Variants in NTRK3 observed in about 807,000 individuals in gnomAD.
The protein encoded by NTRK3 is neurotrophic receptor tyrosine kinase 3.
A neutral mutation model predicts 91.7 loss-of-function variants in NTRK3; 24 were observed. The ratio of observed to expected loss-of-function variants is 0.26; its 90% CI spans 0.19 to 0.37. The LOEUF (loss-of-function observed/expected upper bound fraction) is 0.37. Ranked by LOEUF, NTRK3 falls within the 10% of genes least tolerant of loss-of-function variation. The pLI is 1.00. For missense variants in NTRK3, 880 were observed against 1,068.9 expected, an observed-to-expected ratio of 0.82 and a Z score of 2.46; for synonymous variants, 483 against 404.0, an observed-to-expected ratio of 1.20 and a Z score of -2.34.
chr15:88,097,244 G>C (rs2049704898), intron 13 of NTRK3, among the ~76,000 whole-genome samples: 1 of 152,170 alleles, frequency 6.6e-6, no homozygotes, highest in Non-Finnish European at 1.5e-5. Flanking sequence ...TATTTCTATT[G>C]AACAGTGCTG....
At chr15:87,987,310 T>C (rs140656612) in intron 14 of NTRK3, among the ~76,000 whole-genome samples, 1 of 152,354 alleles carries the variant, frequency 6.6e-6, no homozygotes, top group East Asian at 1.9e-4. Flanking sequence ...CCATATCAGA[T>C]ATTTTTTCTA....
chr15:87,975,047 G>C (rs545954875), intron 14 of NTRK3, among the ~76,000 whole-genome samples: 1 of 152,316 alleles, frequency 6.6e-6, no homozygotes, highest in South Asian at 2.1e-4. Flanking sequence ...ACCTGAGCTA[G>C]TTATTCAATC....
At chr15:87,932,788 G>A (rs557019275) in intron 16 of NTRK3, among the ~76,000 whole-genome samples, 61 of 152,232 alleles carry the variant, frequency 4.0e-4, no homozygotes, top group African/African-American at 1.4e-3. Context: ...GAATAGTATA[G>A]GATACTTATC....
chr15:87,909,591 T>C (rs2066966957), intron 17 of NTRK3, among the ~76,000 whole-genome samples: 1 of 152,070 alleles, frequency 6.6e-6, no homozygotes, highest in African/African-American at 2.4e-5. Flanking sequence ...AAAGGACAGA[T>C]GGGCAGTTGG....
At chr15:88,120,441 T>C (rs560172442) in intron 13 of NTRK3, among the ~76,000 whole-genome samples, 59 of 152,344 alleles carry the variant, frequency 3.9e-4, no homozygotes, top group Middle Eastern at 6.8e-3. Context: ...CCAGCACACA[T>C]CCAGCCATTA....
At chr15:88,055,052 G>C (rs929427116) in intron 13 of NTRK3, among the ~76,000 whole-genome samples, 4 of 152,174 alleles carry the variant, frequency 2.6e-5, no homozygotes, top group African/African-American at 7.2e-5. Flanking sequence ...ACAAAGCCAT[G>C]AACTGGCAGA....
At chr15:88,139,278 G>T (rs2042163368) in intron 6 of NTRK3, among the ~76,000 whole-genome samples, 1 of 152,188 alleles carries the variant, frequency 6.6e-6, no homozygotes, top group Admixed American at 6.5e-5. Context: ...AAAACTCAGA[G>T]TAAAGGGCAC....
chr15:87,917,286 C>T (rs2067514361), intron 17 of NTRK3, among the ~76,000 whole-genome samples: 1 of 152,146 alleles, frequency 6.6e-6, no homozygotes, highest in Non-Finnish European at 1.5e-5. Flanking sequence ...AAAATAGCTT[C>T]CCTCTCCCAC....
At chr15:88,250,165 A>G (rs1033710332) in intron 3 of NTRK3, among the ~76,000 whole-genome samples, 12 of 152,180 alleles carry the variant, frequency 7.9e-5, no homozygotes, top group African/African-American at 2.9e-4. Flanking sequence ...GCGTAGTCCT[A>G]ATGTCTGGCT....
rs1385174569 is a variant in NTRK3, at chr15:88,127,916, T to C, written c.1229-690A>G. Among the ~76,000 whole-genome samples the C allele has an allele frequency of 5.9e-5, 9 of 152,156 alleles. No homozygotes were observed. In the East Asian group the frequency reaches 1.7e-3, roughly 29 times the overall value. ...CTAGAATCACCTCCTTGACAAGAAA[T>C]GGCCCCAATTCAGAATTCTCTGAAG... On this transcript the variant is annotated intron_variant, in intron 11 of 18. Transcript: ENST00000394480.
At position 88,092,886 on chromosome 15, in the gene NTRK3, A is replaced by G. The variant is rs74027763; in HGVS notation, c.1396+33385T>C. Reference sequence around the variant, plus strand: ...CTCTGCCTCTCCCTTACAAAAATGCACATTCTTGCCTTCAGGACCTACCTG... The same window carrying G: ...CTCTGCCTCTCCCTTACAAAAATGCGCATTCTTGCCTTCAGGACCTACCTG... On this transcript the variant is annotated intron_variant, in intron 13 of 18. Transcript: ENST00000394480. Among the ~76,000 whole-genome samples the G allele has an allele frequency of 9.8e-3, 1,499 of 152,286 alleles. 29 individuals carry two copies. Among genetic ancestry groups the G allele is most frequent in the African/African-American group, 0.034 (1,433 of 41,556 alleles).
At chr15:88,197,558 T>C (rs751449274) in intron 3 of NTRK3, among the ~76,000 whole-genome samples, 3 of 152,204 alleles carry the variant, frequency 2.0e-5, no homozygotes, top group Admixed American at 6.5e-5. Context: ...TAAACAGAGC[T>C]ACAGACCCTT....
chr15:88,054,199 T>C (rs548415070), intron 13 of NTRK3, among the ~76,000 whole-genome samples: 15 of 152,350 alleles, frequency 9.8e-5, no homozygotes, highest in Middle Eastern at 3.4e-3. Flanking sequence ...CCAAAAAATA[T>C]ATTGAATGCC....
At chr15:88,173,928 A>G (rs1303721352) in intron 5 of NTRK3, among the ~76,000 whole-genome samples, 2 of 152,252 alleles carry the variant, frequency 1.3e-5, no homozygotes, top group Non-Finnish European at 2.9e-5. Context: ...CATCTGTAAA[A>G]TGGGGACAAC....
chr15:88,183,048 C>T (rs1262379827), intron 5 of NTRK3, among the ~76,000 whole-genome samples: 4 of 140,956 alleles, frequency 2.8e-5, no homozygotes, highest in African/African-American at 5.3e-5. Flanking sequence ...AACACACATA[C>T]ACACTCTTAT....
chr15:87,863,988 C>CACAT (rs567382131), exon 19 of NTRK3: 42,361 of 210,732 alleles, frequency 0.2, 2,802 homozygotes, highest in Admixed American at 0.27. Flanking sequence ...CACACACACA[C>CACAT]ACACATACAC....
At chr15:88,053,377 G>C (rs1006440870) in intron 13 of NTRK3, among the ~76,000 whole-genome samples, 1 of 152,174 alleles carries the variant, frequency 6.6e-6, no homozygotes, top group Non-Finnish European at 1.5e-5. Flanking sequence ...GAAGGGTTTG[G>C]CTACAGTGGA....
chr15:87,958,247 C>A (rs560987154), intron 14 of NTRK3, among the ~76,000 whole-genome samples: 1 of 151,886 alleles, frequency 6.6e-6, no homozygotes, highest in East Asian at 1.9e-4. Context: ...CTGTATTGAC[C>A]CACCTCAACA....
intron 3 of NTRK3, among the ~76,000 whole-genome samples, chr15:88,217,794 T>G (rs4887386): frequency 0.83 from 122,132 of 147,916 alleles, 51,196 homozygotes; most frequent in East Asian, 0.99. Flanking sequence ...AGTCTCACTC[T>G]GTCGCCCAGG....
Sources: gnomAD v4.1 joint callset for allele counts (sites outside exome capture counted in the v4.1 genomes callset) on GRCh38, gnomAD v4.1.1 for gene constraint, MANE v1.5 for transcripts, NCBI Gene and HGNC (gene_info 2026-07-23, HGNC 2026-07-21) for gene names.